EPHA3: variants seen among roughly 807,000 people sequenced by gnomAD.
EPHA3 encodes ephrin type-A receptor 3.
A neutral mutation model predicts 107.1 loss-of-function variants in EPHA3; 42 were observed. The observed-to-expected ratio is 0.39, with a 90% CI of 0.31 to 0.51. EPHA3 has a LOEUF of 0.51. Ranked by LOEUF, EPHA3 falls within the 20% of genes least tolerant of loss-of-function variation. The pLI is 0.78. For missense variants in EPHA3, 1,183 were observed against 1,211.2 expected (o/e 0.98, Z 0.35); for synonymous variants, 461 against 424.8 (o/e 1.09, Z -1.05).
chr3:89,205,486 C>T (rs1431787373), intron 2 of EPHA3, among the ~76,000 whole-genome samples: 1 of 151,954 alleles, frequency 6.6e-6, no homozygotes, highest in Non-Finnish European at 1.5e-5. Context: ...ATGGACTGTC[C>T]AGTGGGAGAA....
At chr3:89,249,963 A>C (rs1004262306) in intron 3 of EPHA3, among the ~76,000 whole-genome samples, 3 of 152,214 alleles carry the variant, frequency 2.0e-5, no homozygotes, top group Non-Finnish European at 1.5e-5. Context: ...ATATTATGGA[A>C]AATGCCAGAG....
At chr3:89,298,941 C>A (rs1269424097) in intron 3 of EPHA3, among the ~76,000 whole-genome samples, 2 of 151,950 alleles carry the variant, frequency 1.3e-5, no homozygotes, top group Non-Finnish European at 2.9e-5. Context: ...CAGGAAAACT[C>A]TTGATAGCTG....
At chr3:89,258,765 G>A (rs1705345651) in intron 3 of EPHA3, among the ~76,000 whole-genome samples, 1 of 152,138 alleles carries the variant, frequency 6.6e-6, no homozygotes, top group Non-Finnish European at 1.5e-5. Flanking sequence ...CTCAGTCAAA[G>A]ATAAAGTCAA....
intron 3 of EPHA3, among the ~76,000 whole-genome samples, chr3:89,281,593 A>C (rs2107315393): frequency 6.6e-6 from 1 of 152,344 alleles, no homozygotes; most frequent in African/African-American, 2.4e-5. Flanking sequence ...TTTACTGTTT[A>C]ATATTCGTAT....
intron 3 of EPHA3, among the ~76,000 whole-genome samples, chr3:89,225,583 G>C (rs1024139059): frequency 6.6e-6 from 1 of 152,062 alleles, no homozygotes; most frequent in African/African-American, 2.4e-5. Flanking sequence ...TACAGAAAAC[G>C]TCTTTGGTAA....
chr3:89,293,662 T>C (rs1468494288), intron 3 of EPHA3, among the ~76,000 whole-genome samples: 1 of 152,160 alleles, frequency 6.6e-6, no homozygotes, highest in Non-Finnish European at 1.5e-5. Flanking sequence ...TAAAAGAGTG[T>C]GGCACTTCCC....
Position 89,419,133 on chromosome 3 carries a change from A to T in EPHA3, c.1889-72A>T, listed in dbSNP as rs1246012753. The T allele has an allele frequency of 5.0e-6, 7 of 1,409,718 alleles. No homozygotes were observed. In the East Asian group the frequency reaches 1.4e-4, roughly 28 times the overall value. The allele number at this position is 1,409,718 out of a possible 1,614,324, so 87.3% of individuals were successfully genotyped here. On this transcript the variant is annotated intron_variant, in intron 10 of 16. Coordinates refer to ENST00000336596, the MANE Select transcript of EPHA3 (RefSeq NM_005233.6). Reference sequence around the variant, plus strand: ...TTTTAAATGGAAATTTTGAAATAAAACAGTTGCTCTCTACTGATGAATTTT... The same window carrying T: ...TTTTAAATGGAAATTTTGAAATAAATCAGTTGCTCTCTACTGATGAATTTT...
chr3:89,384,382 C>T (rs1274349046), intron 5 of EPHA3, among the ~76,000 whole-genome samples: 2 of 152,072 alleles, frequency 1.3e-5, no homozygotes, highest in Non-Finnish European at 2.9e-5. Context: ...CAAATCTAAG[C>T]TATATTTTCT....
At chr3:89,218,786 T>C (rs1704279975) in intron 3 of EPHA3, among the ~76,000 whole-genome samples, 1 of 152,164 alleles carries the variant, frequency 6.6e-6, no homozygotes, top group South Asian at 2.1e-4. Flanking sequence ...TGAGATACCA[T>C]CTCTCACCAG....
Position 89,114,942 on chromosome 3 carries a change from G to T in EPHA3, c.88+7106G>T, listed in dbSNP as rs1172930704. Among the ~76,000 whole-genome samples, 7 of 152,314 alleles carry T rather than the reference G, an allele frequency of 4.6e-5. No homozygotes were observed. In the East Asian group the frequency reaches 1.4e-3, roughly 29 times the overall value. On this transcript the variant is annotated intron_variant, in intron 1 of 16. Coordinates refer to ENST00000336596, the MANE Select transcript of EPHA3 (RefSeq NM_005233.6). ...AGACTTTAATTCAGGATCTACGATCGCCCTGCCGCCTTTCGCATTGCTGTC... is the reference window on the plus strand; with the variant it reads ...AGACTTTAATTCAGGATCTACGATCTCCCTGCCGCCTTTCGCATTGCTGTC...
At chr3:89,110,272 T>G (rs1235716808) in intron 1 of EPHA3, among the ~76,000 whole-genome samples, 1 of 151,972 alleles carries the variant, frequency 6.6e-6, no homozygotes, top group East Asian at 1.9e-4. Context: ...CTTCAATCTG[T>G]TATGAAGTTA....
intron 13 of EPHA3, among the ~76,000 whole-genome samples, chr3:89,439,723 G>GCACACACACA (rs59868005): frequency 4.5e-5 from 6 of 133,312 alleles, no homozygotes. Context: ...TCATATTAAG[G>GCACACACACA]CACACACACA....
rs545919716 is a variant in EPHA3, at chr3:89,339,144, G to A, written c.815-1772G>A. ...TCCCAGGACTTTGGGAGGCCGAGGC[G>A]GGCGGATCACAAGGTCAGGAGGTCG... On this transcript the variant is annotated intron_variant, in intron 3 of 16. Coordinates refer to ENST00000336596, the MANE Select transcript of EPHA3 (RefSeq NM_005233.6). 3.3e-5 allele frequency among the ~76,000 whole-genome samples: 5 copies of A among 152,080 alleles called. No homozygotes were observed. The East Asian group carries it at 5.8e-4, about 18-fold the overall frequency.
chr3:89,258,181 A>G (rs1264458343), intron 3 of EPHA3, among the ~76,000 whole-genome samples: 2 of 152,218 alleles, frequency 1.3e-5, no homozygotes, highest in African/African-American at 4.8e-5. Context: ...TCCAGATTGT[A>G]GGACATTCAA....
intron 3 of EPHA3, among the ~76,000 whole-genome samples, chr3:89,263,690 G>A (rs918811968): frequency 1.3e-5 from 2 of 152,080 alleles, no homozygotes; most frequent in African/African-American, 4.8e-5. Context: ...CTCTCTGCCA[G>A]CTGAGTGTGG....
chr3:89,274,687 T>C (rs1396767363), intron 3 of EPHA3, among the ~76,000 whole-genome samples: 3 of 151,964 alleles, frequency 2.0e-5, no homozygotes, highest in African/African-American at 7.2e-5. Context: ...ATATAGTAAA[T>C]TGAATGCCTG....
intron 2 of EPHA3, among the ~76,000 whole-genome samples, chr3:89,151,460 G>A (rs1438655058): frequency 1.3e-5 from 2 of 152,072 alleles, no homozygotes; most frequent in African/African-American, 4.8e-5. Flanking sequence ...CATTTGGGTA[G>A]TGACTGGCAC....
intron 2 of EPHA3, among the ~76,000 whole-genome samples, chr3:89,172,018 C>T (rs1284754869): frequency 6.6e-6 from 1 of 152,126 alleles, no homozygotes; most frequent in Non-Finnish European, 1.5e-5. Context: ...CTTCCTTCTT[C>T]GTAACCAACC....
At chr3:89,350,883 G>A (rs1651665129) in intron 5 of EPHA3, among the ~76,000 whole-genome samples, 1 of 151,274 alleles carries the variant, frequency 6.6e-6, no homozygotes, top group African/African-American at 2.4e-5. Flanking sequence ...GCCTTGTGAG[G>A]TGTCAGTGTG....
Sources: allele counts gnomAD v4.1 joint callset (sites outside exome capture counted in the v4.1 genomes callset), GRCh38; gene constraint gnomAD v4.1.1; transcripts MANE v1.5; gene names NCBI Gene and HGNC (gene_info 2026-07-23, HGNC 2026-07-21).